The following SCGB2B2 variants were observed in gnomAD, a reference collection of about 807,000 sequenced individuals.
The protein encoded by SCGB2B2 is secretoglobin family 2B member 2, also known as secretoglobin-like protein.
A neutral mutation model predicts 7.6 loss-of-function variants in SCGB2B2; 11 were observed. The observed-to-expected ratio is 1.45, with a 90% confidence interval of 0.91 to 2.40. The LOEUF (loss-of-function observed/expected upper bound fraction) is 2.40. Among genes scored for constraint, SCGB2B2 ranks in the 30% most tolerant of loss-of-function variants. SCGB2B2 has a pLI of 0.00. For missense variants in SCGB2B2, 104 were observed against 115.4 expected, an observed-to-expected ratio of 0.90 and a Z score of 0.45; for synonymous variants, 50 against 48.6, an observed-to-expected ratio of 1.03 and a Z score of -0.12.
At position 34,596,560 on chromosome 19, in the gene SCGB2B2, T is replaced by C. The variant is rs138795707; in HGVS notation, c.-1997A>G. Reference sequence around the variant, plus strand: ...TTGTGATTGTGGCTGGGAGGGGCTGTGTGGCTGCCTCTGCCTCTGCATCTG... The same window carrying C: ...TTGTGATTGTGGCTGGGAGGGGCTGCGTGGCTGCCTCTGCCTCTGCATCTG... On this transcript the variant is annotated 5_prime_UTR_variant, in exon 2 of 4. Coordinates refer to ENST00000601241, the MANE Select transcript of SCGB2B2 (RefSeq NM_001025591.4). The C allele has an allele frequency of 0.019, 2,843 of 152,634 alleles. 33 individuals are homozygous for C. The highest frequency in any genetic ancestry group is 0.029 in the Non-Finnish European group (1,950 of 68,252). 9.5% of individuals were successfully genotyped at this position (152,634 alleles called of 1,614,324 possible). A position where few individuals can be genotyped will look rare whatever the true frequency, so the allele number is the denominator to read the frequency against.
chr19:34,664,998 C>T (rs909125137), intron 1 of SCGB2B2, among the ~76,000 whole-genome samples: 5 of 152,226 alleles, frequency 3.3e-5, no homozygotes, highest in Non-Finnish European at 7.3e-5. Context: ...ACAGGGGACG[C>T]CCCCACACCG....
chr19:34,662,284 G>T (rs2067479559), intron 1 of SCGB2B2, among the ~76,000 whole-genome samples: 1 of 151,958 alleles, frequency 6.6e-6, no homozygotes, highest in Non-Finnish European at 1.5e-5. Flanking sequence ...GGACAGCAGG[G>T]AATCTATATA....
chr19:34,665,410 G>A (rs1044176652), intron 1 of SCGB2B2, among the ~76,000 whole-genome samples: 9 of 152,156 alleles, frequency 5.9e-5, no homozygotes, highest in Non-Finnish European at 1.0e-4. Context: ...TCTCCTGGAG[G>A]TAGATGATGT....
At chr19:34,625,872 T>C (rs1450526122) in intron 1 of SCGB2B2, among the ~76,000 whole-genome samples, 3 of 152,010 alleles carry the variant, frequency 2.0e-5, no homozygotes, top group Non-Finnish European at 2.9e-5. Context: ...CACCCACCAG[T>C]AGGGGCAGTC....
chr19:34,590,612 T>TATGGCTGA (rs1292978894), downstream of SCGB2B2, among the ~76,000 whole-genome samples: 1 of 152,240 alleles, frequency 6.6e-6, no homozygotes, highest in East Asian at 1.9e-4. Context: ...AGTGCTAGGT[T>TATGGCTGA]AATATTACTA....
At chr19:34,649,413 G>GAC (rs1424963007) in intron 1 of SCGB2B2, among the ~76,000 whole-genome samples, 1 of 152,108 alleles carries the variant, frequency 6.6e-6, no homozygotes, top group Non-Finnish European at 1.5e-5. Flanking sequence ...GAACAGAACT[G>GAC]ACACACACAC....
At chr19:34,675,186 A>C (rs1169546499) in intron 1 of SCGB2B2, among the ~76,000 whole-genome samples, 1 of 152,232 alleles carries the variant, frequency 6.6e-6, no homozygotes, top group African/African-American at 2.4e-5. Context: ...TTGGCAAGCA[A>C]AATAACCATA....
intron 1 of SCGB2B2, chr19:34,632,693 T>C (rs2066567793): frequency 6.6e-6 from 1 of 152,264 alleles, no homozygotes; most frequent in Non-Finnish European, 1.5e-5. Flanking sequence ...ATTTGTCAGT[T>C]TGAAAAAGGT....
downstream of SCGB2B2, among the ~76,000 whole-genome samples, chr19:34,589,232 GCTGACTT>G (rs2065245870): frequency 6.6e-6 from 1 of 152,152 alleles, no homozygotes. Flanking sequence ...GGTGTGGGAG[GCTGACTT>G]CAGGCAGGAG....
intron 1 of SCGB2B2, among the ~76,000 whole-genome samples, chr19:34,673,358 C>G (rs559332086): frequency 2.0e-5 from 3 of 152,304 alleles, no homozygotes; most frequent in African/African-American, 7.2e-5. Flanking sequence ...TCCAGTGCCT[C>G]TAACCTTTCT....
chr19:34,661,435 A>T (rs2146138510), intron 1 of SCGB2B2, among the ~76,000 whole-genome samples: 1 of 152,218 alleles, frequency 6.6e-6, no homozygotes, highest in East Asian at 1.9e-4. Context: ...CTCCAAATTG[A>T]ATTCAAAAAG....
chr19:34,603,937 A>ATACTC (rs1196743209), intron 1 of SCGB2B2, among the ~76,000 whole-genome samples: 1 of 151,842 alleles, frequency 6.6e-6, no homozygotes, highest in African/African-American at 2.4e-5. Flanking sequence ...TCTACTGAAT[A>ATACTC]TACTCTTATT....
At chr19:34,656,781 C>T (rs1568441692) in intron 1 of SCGB2B2, among the ~76,000 whole-genome samples, 1 of 151,138 alleles carries the variant, frequency 6.6e-6, no homozygotes, top group African/African-American at 2.5e-5. Context: ...TGTTGTATAA[C>T]TTTCTTATAA....
At chr19:34,662,972 T>C (rs963028376) in intron 1 of SCGB2B2, among the ~76,000 whole-genome samples, 2 of 151,370 alleles carry the variant, frequency 1.3e-5, no homozygotes, top group Non-Finnish European at 2.9e-5. Flanking sequence ...AAAAAAACAA[T>C]AAAAGTGCGG....
At chr19:34,612,022 CTTTTTTTTTTTTTTTTTTT>C (rs753968261) in intron 1 of SCGB2B2, among the ~76,000 whole-genome samples, 2 of 41,766 alleles carry the variant, frequency 4.8e-5, no homozygotes, top group Admixed American at 4.0e-4. Context: ...TTAGAAAATT[CTTTTTTTTTTTTTTTTTTT>C]TTTTTTTTTT....
chr19:34,620,640 A>G (rs966170710), intron 1 of SCGB2B2, among the ~76,000 whole-genome samples: 4 of 152,176 alleles, frequency 2.6e-5, no homozygotes, highest in African/African-American at 9.7e-5. Context: ...CGTTGTGCAC[A>G]TGTACCCTAG....
At chr19:34,613,133 T>A (rs899038094) in intron 1 of SCGB2B2, among the ~76,000 whole-genome samples, 2 of 152,018 alleles carry the variant, frequency 1.3e-5, no homozygotes, top group Non-Finnish European at 2.9e-5. Context: ...GAGTTTCACT[T>A]TGTTGCCCAG....
At position 34,660,818 on chromosome 19, in the gene SCGB2B2, T is replaced by G. The variant is rs537067813; in HGVS notation, c.-2032+14812A>C. ...TAAATCACTCTACTATAAAGACACA[T>G]GTACACATATGTTTATTGCAGCACT... is the stretch of plus-strand genomic sequence containing the variant. On this transcript the variant is annotated intron_variant, in intron 1 of 3. Transcript: ENST00000601241. Among the ~76,000 whole-genome samples the G allele has an allele frequency of 3.9e-5, 6 of 152,318 alleles. No homozygotes were observed. The East Asian group carries it at 1.2e-3, about 29-fold the overall frequency.
At chr19:34,656,356 C>G (rs1568441617) in intron 1 of SCGB2B2, among the ~76,000 whole-genome samples, 1 of 151,302 alleles carries the variant, frequency 6.6e-6, no homozygotes, top group Non-Finnish European at 1.5e-5. Context: ...ATAGTTCCAG[C>G]ACGCTGGGAG....
Sources: allele counts gnomAD v4.1 joint callset (sites outside exome capture counted in the v4.1 genomes callset), GRCh38; gene constraint gnomAD v4.1.1; transcripts MANE v1.5; gene names NCBI Gene and HGNC (gene_info 2026-07-23, HGNC 2026-07-21).